Variants in WDR41 observed in about 807,000 individuals in gnomAD.
WDR41 encodes WD repeat domain 41, also known as WD repeat-containing protein 41.
Under a neutral mutation model 69.3 loss-of-function variants are expected in WDR41, and 63 were observed. The ratio of observed to expected loss-of-function variants is 0.91; its 90% CI spans 0.74 to 1.12. The LOEUF is 1.12. Ranked by LOEUF, WDR41 falls within the 50% of genes most tolerant of loss-of-function variation. The probability of loss-of-function intolerance (pLI) is 0.00; values close to 1 mark genes in which losing one functional copy is unlikely to be tolerated. For missense variants in WDR41, 543 were observed against 534.5 expected (o/e 1.02, Z -0.16); for synonymous variants, 185 against 192.1 (o/e 0.96, Z 0.31).
At chr5:77,589,301 T>C (rs982336677) in intron 1 of WDR41, among the ~76,000 whole-genome samples, 5 of 152,180 alleles carry the variant, frequency 3.3e-5, no homozygotes, top group Non-Finnish European at 7.4e-5. Context: ...TAATATCCAG[T>C]AGTATATAAA....
At chr5:77,508,974 G>A (rs1802155723) in intron 1 of WDR41, among the ~76,000 whole-genome samples, 1 of 152,112 alleles carries the variant, frequency 6.6e-6, no homozygotes, top group Non-Finnish European at 1.5e-5. Flanking sequence ...TTTTGACAAT[G>A]TCCTGTGGTA....
intron 1 of WDR41, among the ~76,000 whole-genome samples, chr5:77,551,742 C>T (rs1427626967): frequency 6.6e-6 from 1 of 151,324 alleles, no homozygotes; most frequent in Non-Finnish European, 1.5e-5. Flanking sequence ...CTTTGGGAGG[C>T]CGAGGTGGGT....
intron 2 of WDR41, among the ~76,000 whole-genome samples, chr5:77,470,786 T>G (rs967410319): frequency 1.3e-5 from 2 of 152,116 alleles, no homozygotes; most frequent in Admixed American, 6.5e-5. Context: ...AGCAAGTCCT[T>G]AGAGACCTAG....
At chr5:77,523,605 G>A (rs1238921106) in intron 1 of WDR41, among the ~76,000 whole-genome samples, 2 of 151,684 alleles carry the variant, frequency 1.3e-5, no homozygotes, top group East Asian at 3.9e-4. Flanking sequence ...CAAGTAAGCT[G>A]AGTTAGAAAT....
intron 8 of WDR41, among the ~76,000 whole-genome samples, chr5:77,441,559 T>C (rs1169014579): frequency 6.6e-6 from 1 of 152,008 alleles, no homozygotes; most frequent in Non-Finnish European, 1.5e-5. Flanking sequence ...ACCAATATGG[T>C]GAAACCCCAT....
Position 77,498,224 on chromosome 5 carries a change from T to C in WDR41, c.43-8652A>G, listed in dbSNP as rs187954937. On this transcript the variant is annotated intron_variant, in intron 1 of 5. Transcript: ENST00000509971. ...TGTCACTGAATTGTACAATTACAAA[T>C]GGTTAAAATGACAAATATGTTAGTA... is the stretch of plus-strand genomic sequence containing the variant. Among the ~76,000 whole-genome samples, 40 of 152,282 alleles carry C rather than the reference T, an allele frequency of 2.6e-4. 1 individual carries two copies. The East Asian group carries it at 7.5e-3, about 29-fold the overall frequency.
chr5:77,557,059 T>A (rs1239987363), intron 1 of WDR41, among the ~76,000 whole-genome samples: 2 of 152,128 alleles, frequency 1.3e-5, no homozygotes, highest in Non-Finnish European at 2.9e-5. Context: ...AGATCCCTTT[T>A]ACACACATAA....
At chr5:77,491,942 C>A (rs1226993721) in intron 1 of WDR41, 5 of 543,400 alleles carry the variant, frequency 9.2e-6, no homozygotes, top group South Asian at 5.0e-5. Flanking sequence ...GGGACGGGGC[C>A]GGGGGTCTGC....
intron 4 of WDR41, among the ~76,000 whole-genome samples, chr5:77,461,498 T>C (rs1274838966): frequency 6.6e-6 from 1 of 152,238 alleles, no homozygotes; most frequent in Admixed American, 6.5e-5. Flanking sequence ...ACTTCACCAA[T>C]GCTTGAAAGT....
chr5:77,470,796 G>C (rs576069864), intron 2 of WDR41, among the ~76,000 whole-genome samples: 11 of 152,172 alleles, frequency 7.2e-5, no homozygotes, highest in East Asian at 3.9e-4. Flanking sequence ...TAGAGACCTA[G>C]AAAGAGACTT....
chr5:77,462,344 G>C (rs188262055), intron 4 of WDR41, among the ~76,000 whole-genome samples: 1 of 145,174 alleles, frequency 6.9e-6, no homozygotes, highest in Middle Eastern at 3.5e-3. Context: ...AGGAGGCAGA[G>C]GTTGCAGTGA....
intron 1 of WDR41, among the ~76,000 whole-genome samples, chr5:77,585,841 C>T (rs557065752): frequency 4.8e-4 from 73 of 151,972 alleles, no homozygotes; most frequent in African/African-American, 1.7e-3. Context: ...GGGAGGAGGG[C>T]GAGGGATAAA....
intron 1 of WDR41, among the ~76,000 whole-genome samples, chr5:77,610,904 G>A (rs1187913418): frequency 6.6e-6 from 1 of 151,918 alleles, no homozygotes; most frequent in Non-Finnish European, 1.5e-5. Context: ...CTGTATTCAG[G>A]AAACCCATCT....
intron 1 of WDR41, among the ~76,000 whole-genome samples, chr5:77,526,818 A>G (rs766335794): frequency 7.9e-5 from 12 of 152,146 alleles, no homozygotes; most frequent in Non-Finnish European, 5.9e-5. Flanking sequence ...TTATAATTCA[A>G]TAAATCTAGA....
chr5:77,506,642 G>A (rs1408732222), intron 1 of WDR41, among the ~76,000 whole-genome samples: 2 of 152,142 alleles, frequency 1.3e-5, no homozygotes, highest in Non-Finnish European at 2.9e-5. Context: ...CAACCCAAAT[G>A]TCCATCAATG....
chr5:77,478,924 A>T (rs1419017364), intron 2 of WDR41, among the ~76,000 whole-genome samples: 1 of 151,644 alleles, frequency 6.6e-6, no homozygotes, highest in Admixed American at 6.6e-5. Flanking sequence ...TATCTAGAAA[A>T]CCCCACTGTC....
rs1437992001 is a variant in WDR41, at chr5:77,432,459, C to T, written c.*676G>A. 1.3e-5 allele frequency: 2 copies of T among 152,534 alleles called. No individual in the cohort carries two copies. The highest frequency in any genetic ancestry group is 2.9e-5 in the Non-Finnish European group (2 of 68,040). 9.4% of individuals were successfully genotyped at this position (152,534 alleles called of 1,614,324 possible). A position where few individuals can be genotyped will look rare whatever the true frequency, so the allele number is the denominator to read the frequency against. On this transcript the variant is annotated 3_prime_UTR_variant, in exon 13 of 13. Transcript: ENST00000296679. ...CCTCTCAAATGATCTAGAGCTCATC[C>T]TTGGCGTACATGAGGGGCAGTTGTT...
intron 8 of WDR41, among the ~76,000 whole-genome samples, chr5:77,441,285 T>C (rs1799153191): frequency 6.6e-6 from 1 of 152,194 alleles, no homozygotes; most frequent in Admixed American, 6.5e-5. Flanking sequence ...AAAAGAACCT[T>C]ATCTTGTACC....
At chr5:77,436,590 C>G (rs1305239019) in intron 11 of WDR41, among the ~76,000 whole-genome samples, 196 bp from the exon 12 acceptor site, 1 of 152,162 alleles carries the variant, frequency 6.6e-6, no homozygotes, top group Non-Finnish European at 1.5e-5. Context: ...TGTTCTTCAT[C>G]TCTTTTTATT....
Sources: allele counts gnomAD v4.1 joint callset (sites outside exome capture counted in the v4.1 genomes callset), GRCh38; gene constraint gnomAD v4.1.1; transcripts MANE v1.5; gene names NCBI Gene and HGNC (gene_info 2026-07-23, HGNC 2026-07-21).